The following PCSK6 variants were observed in gnomAD, a reference collection of about 807,000 sequenced individuals.
PCSK6 encodes the protein proprotein convertase subtilisin/kexin type 6, also known as paired basic amino acid cleaving enzyme 4.
In PCSK6, 85 loss-of-function variants were observed where a neutral mutation model predicts 123.3. The ratio of observed to expected loss-of-function variants is 0.69; its 90% CI spans 0.58 to 0.83. The LOEUF is 0.83. PCSK6 is among the 40% of genes least tolerant of loss of function. The pLI is 0.00. For synonymous variants in PCSK6, 508 were observed against 516.0 expected (o/e 0.98, Z 0.21); for missense variants, 1,191 against 1,282.3 (o/e 0.93, Z 1.09).
At chr15:101,390,628 C>T (rs566938191) in intron 8 of PCSK6, among the ~76,000 whole-genome samples, 86 of 152,214 alleles carry the variant, frequency 5.6e-4, no homozygotes, top group Middle Eastern at 3.4e-3. Context: ...AGAACGGGCC[C>T]CAGCTGACAG....
chr15:101,487,822 C>G (rs1596190633), intron 1 of PCSK6, among the ~76,000 whole-genome samples: 1 of 152,210 alleles, frequency 6.6e-6, no homozygotes, highest in African/African-American at 2.4e-5. Context: ...GAAGTCAGTG[C>G]TACCCGACGG....
At chr15:101,488,015 G>A (rs1237743981) in intron 1 of PCSK6, among the ~76,000 whole-genome samples, 1 of 152,026 alleles carries the variant, frequency 6.6e-6, no homozygotes, top group African/African-American at 2.4e-5. Context: ...CAGTAAACTC[G>A]AACCTGCCTT....
intron 19 of PCSK6, among the ~76,000 whole-genome samples, chr15:101,314,450 T>C (rs2039941206): frequency 6.6e-6 from 1 of 152,220 alleles, no homozygotes; most frequent in Admixed American, 6.5e-5. Context: ...ATAATCACAA[T>C]GCCCAGGTAA....
chr15:101,327,275 G>A (rs908967962), intron 15 of PCSK6, among the ~76,000 whole-genome samples: 1 of 152,176 alleles, frequency 6.6e-6, no homozygotes, highest in African/African-American at 2.4e-5. Flanking sequence ...CAGGCGAGCT[G>A]AGTAGACGCC....
intron 13 of PCSK6, among the ~76,000 whole-genome samples, chr15:101,358,510 G>T (rs534048359): frequency 2.6e-5 from 4 of 152,242 alleles, no homozygotes; most frequent in Non-Finnish European, 5.9e-5. Context: ...CAACTAGCCT[G>T]TGGGCTCCTC....
intron 2 of PCSK6, among the ~76,000 whole-genome samples, chr15:101,434,254 G>A (rs1021329110): frequency 6.6e-6 from 1 of 152,036 alleles, no homozygotes; most frequent in African/African-American, 2.4e-5. Context: ...AGCTCCCAGG[G>A]ATGTCCCGCC....
At chr15:101,360,522 C>G (rs1228648514) in intron 13 of PCSK6, among the ~76,000 whole-genome samples, 1 of 119,252 alleles carries the variant, frequency 8.4e-6, no homozygotes, top group Non-Finnish European at 1.8e-5. Flanking sequence ...TGGAACACAC[C>G]AGACACACTC....
chr15:101,381,412 CACTT>C (rs1423435354), intron 11 of PCSK6, among the ~76,000 whole-genome samples: 5 of 152,130 alleles, frequency 3.3e-5, no homozygotes, highest in African/African-American at 1.2e-4. Context: ...GATTTAGAAA[CACTT>C]ACTCCAAAGA....
chr15:101,403,237 C>T (rs1026718182), intron 6 of PCSK6, among the ~76,000 whole-genome samples: 1 of 124,328 alleles, frequency 8.0e-6, no homozygotes, highest in Admixed American at 1.1e-4. Flanking sequence ...CACATGGACA[C>T]AGGAAGGGGA....
intron 8 of PCSK6, among the ~76,000 whole-genome samples, chr15:101,392,509 C>A (rs772420380): frequency 1.3e-5 from 2 of 151,024 alleles, no homozygotes; most frequent in African/African-American, 2.4e-5. Context: ...GCTCCACAGT[C>A]TCATTTTTAA....
intron 2 of PCSK6, 57 bp from the exon 3 acceptor site, chr15:101,432,157 A>G: frequency 7.0e-7 from 1 of 1,436,722 alleles, no homozygotes; most frequent in Non-Finnish European, 9.6e-7. Flanking sequence ...GATTTTATGT[A>G]GCCTCTTTGC....
intron 20 of PCSK6, chr15:101,313,052 C>T: frequency 8.0e-7 from 1 of 1,245,436 alleles, no homozygotes. Context: ...TGATTATCGA[C>T]AGTGCAAAGG....
intron 9 of PCSK6, among the ~76,000 whole-genome samples, chr15:101,385,525 G>T (rs1448284219): frequency 1.3e-5 from 2 of 152,162 alleles, no homozygotes; most frequent in Admixed American, 1.3e-4. Flanking sequence ...AATTCTAAGA[G>T]ATATGGATGC....
At chr15:101,327,822 G>C (rs1277534105) in intron 15 of PCSK6, among the ~76,000 whole-genome samples, 1 of 151,972 alleles carries the variant, frequency 6.6e-6, no homozygotes, top group Non-Finnish European at 1.5e-5. Flanking sequence ...AGTTTTCACT[G>C]GGGGGGCTTT....
chr15:101,373,617 G>A (rs778217963), intron 11 of PCSK6, among the ~76,000 whole-genome samples: 2 of 152,198 alleles, frequency 1.3e-5, no homozygotes, highest in African/African-American at 2.4e-5. Flanking sequence ...AATGTTTCAT[G>A]ATCATTGTGC....
At chr15:101,443,845 C>T (rs577828573) in intron 1 of PCSK6, among the ~76,000 whole-genome samples, 185 bp from the exon 2 acceptor site, 1 of 152,312 alleles carries the variant, frequency 6.6e-6, no homozygotes, top group South Asian at 2.1e-4. Flanking sequence ...AAGGTGGATT[C>T]AGACACTCAT....
At chr15:101,428,687 T>A (rs2056343243) in intron 5 of PCSK6, among the ~76,000 whole-genome samples, 1 of 152,182 alleles carries the variant, frequency 6.6e-6, no homozygotes, top group South Asian at 2.1e-4. Context: ...AAATAGCACA[T>A]CTTTGAGAAG....
intron 7 of PCSK6, among the ~76,000 whole-genome samples, chr15:101,394,262 G>A (rs760436346): frequency 6.6e-6 from 1 of 150,896 alleles, no homozygotes; most frequent in African/African-American, 2.4e-5. Context: ...GAAGTGTGCC[G>A]CCATGCCCAG....
At chr15:101,353,882 A>G (rs1183411143) in intron 13 of PCSK6, among the ~76,000 whole-genome samples, 3 of 152,296 alleles carry the variant, frequency 2.0e-5, no homozygotes, top group East Asian at 3.9e-4. Context: ...TGGGTGGAGG[A>G]GCTTGGACTC....
Sources: allele counts gnomAD v4.1 joint callset (sites outside exome capture counted in the v4.1 genomes callset), GRCh38; gene constraint gnomAD v4.1.1; transcripts MANE v1.5; gene names NCBI Gene and HGNC (gene_info 2026-07-23, HGNC 2026-07-21).